The following DCC variants were observed in gnomAD, a reference collection of about 807,000 sequenced individuals.
DCC encodes netrin receptor DCC.
A neutral mutation model predicts 172.5 loss-of-function variants in DCC; 58 were observed. The observed-to-expected ratio is 0.34, with a 90% CI of 0.27 to 0.42. DCC has a LOEUF of 0.42. Among genes scored for constraint, DCC ranks in the 10% least tolerant of loss-of-function variants. The pLI, the probability that DCC is intolerant of heterozygous loss-of-function variation, is 1.00. For missense variants in DCC, 1,740 were observed against 1,791.0 expected, an observed-to-expected ratio of 0.97 and a Z score of 0.51; for synonymous variants, 709 against 644.5, an observed-to-expected ratio of 1.10 and a Z score of -1.52.
At chr18:52,886,289 C>A (rs574623115) in intron 2 of DCC, among the ~76,000 whole-genome samples, 33 of 152,224 alleles carry the variant, frequency 2.2e-4, no homozygotes, top group Admixed American at 1.4e-3. Context: ...AACCCCAGAG[C>A]GCTTTGGACC....
Position 53,305,755 on chromosome 18 carries a change from G to T in DCC, c.2053+36G>T, listed in dbSNP as rs765061777. On this transcript the variant is annotated intron_variant, in intron 13 of 28. Transcript: ENST00000442544. ...ACATGGTGTAGTCTTGCAAGGTTTT[G>T]ATGAATTAAATGCTTTAGGAATAAA... 2.5e-6 allele frequency: 4 copies of T among 1,604,588 alleles called. No homozygotes were observed. In the Admixed American group the frequency reaches 5.0e-5, roughly 20 times the overall value.
chr18:53,204,527 A>G (rs1196811817), intron 9 of DCC, among the ~76,000 whole-genome samples: 1 of 150,310 alleles, frequency 6.7e-6, no homozygotes, highest in Non-Finnish European at 1.5e-5. Flanking sequence ...AGCCTGAGAA[A>G]CAGAGCAAGA....
intron 12 of DCC, among the ~76,000 whole-genome samples, chr18:53,284,362 G>C (rs1179111240): frequency 6.6e-6 from 1 of 152,136 alleles, no homozygotes; most frequent in Admixed American, 6.5e-5. Flanking sequence ...CCTGGTGGGA[G>C]GTGAATGAAT....
At chr18:52,825,809 T>A (rs189988423) in intron 2 of DCC, among the ~76,000 whole-genome samples, 1 of 152,228 alleles carries the variant, frequency 6.6e-6, no homozygotes, top group East Asian at 1.9e-4. Flanking sequence ...ATGTCTCAGA[T>A]AAAAGTTGCG....
chr18:53,015,314 C>T (rs928653827), intron 5 of DCC, among the ~76,000 whole-genome samples: 1 of 152,182 alleles, frequency 6.6e-6, no homozygotes, highest in Non-Finnish European at 1.5e-5. Context: ...TTAGAATGAA[C>T]ATAAGCTTTA....
rs80020120 is a variant in DCC at position 53,001,027 on chromosome 18, A to G, written c.986-62278A>G. On this transcript the variant is annotated intron_variant, in intron 5 of 28. Transcript: ENST00000442544. ...CCCAACTTTATGTTCAGTGACATCA[A>G]GTTGGTCGGTAGCTTGAAATCAATT... Among the ~76,000 whole-genome samples the G allele has an allele frequency of 3.7e-3, 557 of 151,734 alleles. 12 individuals carry two copies. Among genetic ancestry groups the G allele is most frequent in the East Asian group, 0.022 (111 of 5,114 alleles).
chr18:53,305,672 G>A lies in DCC; in HGVS notation c.2006G>A (p.Gly669Asp), dbSNP rs2057191809. Residue 669 changes from glycine to aspartate, a missense_variant, in exon 13 of 29, where the codon GGT becomes GAT. By Grantham distance (94) the Gly-to-Asp change is moderately conservative. This residue lies in a region of DCC where 1,732 missense variants were observed against 1,767.4 expected (regional missense o/e 0.98). Transcript: ENST00000442544. ...CGACACAGAAAGACGACCCGCAGGG[G>A]TGAGATGGAAACACTGGAGCCAAAC... The part of the protein sequence containing the change: ...KIRHRKTTRR[G>D]EMETLEPNNL... 6 of 1,614,070 alleles carry A rather than the reference G, an allele frequency of 3.7e-6. No homozygotes were observed. The South Asian group carries it at 6.6e-5, about 18-fold the overall frequency.
chr18:53,449,987 A>G (rs1203407214), intron 22 of DCC, among the ~76,000 whole-genome samples: 1 of 152,176 alleles, frequency 6.6e-6, no homozygotes, highest in Admixed American at 6.5e-5. Context: ...TCATATAAAT[A>G]GAATCATATA....
At chr18:53,473,377 A>G (rs1455472710) in intron 25 of DCC, among the ~76,000 whole-genome samples, 1 of 152,204 alleles carries the variant, frequency 6.6e-6, no homozygotes, top group East Asian at 1.9e-4. Flanking sequence ...AAAACAAATA[A>G]ATGTATTATT....
chr18:53,206,586 C>CATATCTATGTATA (rs2055650584), intron 10 of DCC, among the ~76,000 whole-genome samples: 1 of 63,946 alleles, frequency 1.6e-5, no homozygotes, highest in African/African-American at 5.3e-5. Flanking sequence ...ATCTATACAT[C>CATATCTATGTATA]TATATGTATA....
At chr18:52,704,900 T>C (rs947574627) in intron 1 of DCC, among the ~76,000 whole-genome samples, 5 of 152,192 alleles carry the variant, frequency 3.3e-5, no homozygotes, top group African/African-American at 1.2e-4. Context: ...CTGGAGGCTA[T>C]GTTGCAGCCT....
chr18:52,706,193 T>TA (rs34513058), intron 1 of DCC, among the ~76,000 whole-genome samples: 5,384 of 152,076 alleles, frequency 0.035, 147 homozygotes, highest in East Asian at 0.089. Context: ...ATAATTCTAT[T>TA]AAAAAAAAGA....
intron 13 of DCC, among the ~76,000 whole-genome samples, chr18:53,315,898 T>G (rs541820320): frequency 6.6e-6 from 1 of 152,314 alleles, no homozygotes; most frequent in East Asian, 1.9e-4. Context: ...TAAAAAAATT[T>G]TTCTCCCATT....
At chr18:53,490,284 T>C (rs897938003) in intron 26 of DCC, among the ~76,000 whole-genome samples, 12 of 152,208 alleles carry the variant, frequency 7.9e-5, no homozygotes, top group African/African-American at 2.9e-4. Flanking sequence ...GTCGTTCTTC[T>C]GAGGTTAATG....
At chr18:52,678,084 A>T (rs2035677995) in intron 1 of DCC, among the ~76,000 whole-genome samples, 1 of 152,190 alleles carries the variant, frequency 6.6e-6, no homozygotes. Flanking sequence ...CACCATGTCA[A>T]GCCTTGAATG....
At position 52,608,753 on chromosome 18, in the gene DCC, A is replaced by G. The variant is rs889565002; in HGVS notation, c.92-143301A>G. Among the ~76,000 whole-genome samples the G allele has an allele frequency of 1.8e-4, 28 of 152,212 alleles. 1 individual carries two copies. The highest frequency in any genetic ancestry group is 4.4e-5 in the Non-Finnish European group (3 of 68,030). ...CACTTTTATCCTTAAACCTTGCACT[A>G]TGAACTGGCCTAGGTAAACATACAT... On this transcript the variant is annotated intron_variant, in intron 1 of 28. Coordinates refer to ENST00000442544, the MANE Select transcript of DCC (RefSeq NM_005215.4).
rs372209489 is a variant in DCC at position 52,393,020 on chromosome 18, C to T, written c.91+52142C>T. Among the ~76,000 whole-genome samples, 10 of 152,060 alleles carry T rather than the reference C, an allele frequency of 6.6e-5. No homozygotes were observed. In the East Asian group the frequency reaches 1.7e-3, roughly 27 times the overall value. ...CTCTGTGGTGAAGCCAGGGCCAGTA[C>T]TAGGCTAATCTGAGAAGTGATGAAA... On this transcript the variant is annotated intron_variant, in intron 1 of 28. Transcript: ENST00000442544.
intron 21 of DCC, among the ~76,000 whole-genome samples, chr18:53,430,019 A>G (rs1355062232): frequency 6.6e-6 from 1 of 152,102 alleles, no homozygotes; most frequent in Non-Finnish European, 1.5e-5. Context: ...TCTTTTAGAA[A>G]CACATTTCAG....
intron 5 of DCC, among the ~76,000 whole-genome samples, chr18:52,946,688 C>G (rs2040551485): frequency 6.6e-6 from 1 of 152,204 alleles, no homozygotes; most frequent in Non-Finnish European, 1.5e-5. Flanking sequence ...TTCTTACATT[C>G]CATCTGCAAA....
Sources: allele counts gnomAD v4.1 joint callset (sites outside exome capture counted in the v4.1 genomes callset), GRCh38; gene constraint gnomAD v4.1.1; regional missense constraint gnomAD v4.1.1; transcripts MANE v1.5; gene names NCBI Gene and HGNC (gene_info 2026-07-23, HGNC 2026-07-21).